Variants in CHRM3 observed in about 807,000 individuals in gnomAD.
The protein encoded by CHRM3 is cholinergic receptor muscarinic 3.
Under a neutral mutation model 41.8 loss-of-function variants are expected in CHRM3, and 11 were observed. The observed-to-expected ratio is 0.26, with a 90% CI of 0.17 to 0.44. CHRM3 has a LOEUF of 0.44. Ranked by LOEUF, CHRM3 falls within the 20% of genes least tolerant of loss-of-function variation. CHRM3 has a pLI of 1.00. For synonymous variants in CHRM3, 297 were observed against 301.4 expected (o/e 0.99, Z 0.15); for missense variants, 571 against 745.4 (o/e 0.77, Z 2.72).
At chr1:239,473,869 C>CAA (rs34470819) in intron 1 of CHRM3, among the ~76,000 whole-genome samples, 4,528 of 142,908 alleles carry the variant, frequency 0.032, 168 homozygotes, top group African/African-American at 0.09. Flanking sequence ...TAGTAAATTT[C>CAA]AAAAAAAAAA....
chr1:239,489,681 A>G (rs1214454009), intron 1 of CHRM3, among the ~76,000 whole-genome samples: 3 of 152,166 alleles, frequency 2.0e-5, no homozygotes, highest in African/African-American at 7.2e-5. Context: ...TATCTTGGGG[A>G]CATATATGGC....
chr1:239,799,822 C>T (rs189662774), intron 5 of CHRM3, among the ~76,000 whole-genome samples: 3 of 152,252 alleles, frequency 2.0e-5, no homozygotes, highest in East Asian at 3.9e-4. Flanking sequence ...ATTCCCTTGC[C>T]GCTCTCAATG....
intron 6 of CHRM3, among the ~76,000 whole-genome samples, chr1:239,872,376 C>T (rs1676664029): frequency 6.6e-6 from 1 of 152,156 alleles, no homozygotes; most frequent in Non-Finnish European, 1.5e-5. Context: ...CCAATCGTAG[C>T]AGCAATTATA....
chr1:239,779,275 C>A (rs1206003303), intron 5 of CHRM3, among the ~76,000 whole-genome samples: 3 of 152,188 alleles, frequency 2.0e-5, no homozygotes, highest in Non-Finnish European at 4.4e-5. Context: ...GCATCCCCCA[C>A]CAGGGTGTGT....
At chr1:239,413,440 C>T (rs1310770019) in intron 1 of CHRM3, among the ~76,000 whole-genome samples, 1 of 152,112 alleles carries the variant, frequency 6.6e-6, no homozygotes, top group Non-Finnish European at 1.5e-5. Flanking sequence ...CAGGCACCCG[C>T]CATTCCACCC....
At chr1:239,696,289 A>G (rs557612480) in intron 5 of CHRM3, among the ~76,000 whole-genome samples, 6 of 152,304 alleles carry the variant, frequency 3.9e-5, no homozygotes, top group South Asian at 2.1e-4. Context: ...AAAAAGTGCT[A>G]TCTTTTGTAA....
At chr1:239,607,789 C>CT (rs904604575) in intron 3 of CHRM3, among the ~76,000 whole-genome samples, 2 of 151,994 alleles carry the variant, frequency 1.3e-5, no homozygotes, top group African/African-American at 4.8e-5. Context: ...TATTTGAAGT[C>CT]TTTTTTTAAT....
At position 239,680,175 on chromosome 1, in the gene CHRM3, T is replaced by G. The variant is rs1008789069; in HGVS notation, c.-147+1887T>G. Among the ~76,000 whole-genome samples, 2 of 152,254 alleles carry G rather than the reference T, an allele frequency of 1.3e-5. 1 individual carries two copies. The highest frequency in any genetic ancestry group is 4.8e-5 in the African/African-American group (2 of 41,558). ...TTATTTCTATTCTTGTCCTGTTCAATCCGTGCTTCATCCAATAGCCAGAGT... is the reference window on the plus strand; with the variant it reads ...TTATTTCTATTCTTGTCCTGTTCAAGCCGTGCTTCATCCAATAGCCAGAGT... On this transcript the variant is annotated intron_variant, in intron 5 of 6. Coordinates refer to ENST00000676153, the MANE Select transcript of CHRM3 (RefSeq NM_001375978.1).
chr1:239,741,330 G>T (rs553438938), intron 5 of CHRM3, among the ~76,000 whole-genome samples: 1 of 152,308 alleles, frequency 6.6e-6, no homozygotes, highest in East Asian at 1.9e-4. Flanking sequence ...ATTCTTCTCT[G>T]TGTCCCTGTG....
rs138401901 is a variant in CHRM3 at position 239,780,125 on chromosome 1, A to C, written c.-146-47127A>C. 3.9e-5 allele frequency among the ~76,000 whole-genome samples: 6 copies of C among 152,332 alleles called. No individual in the cohort carries two copies. In the East Asian group the frequency reaches 1.2e-3, roughly 29 times the overall value. ...GGCTTTTGTGTGGACATAAGTTTTCAGCTCCTTTGAATAAATACCAAGTAA... is the reference window on the plus strand; with the variant it reads ...GGCTTTTGTGTGGACATAAGTTTTCCGCTCCTTTGAATAAATACCAAGTAA... On this transcript the variant is annotated intron_variant, in intron 5 of 6. Coordinates refer to ENST00000676153, the MANE Select transcript of CHRM3 (RefSeq NM_001375978.1).
chr1:239,758,129 C>G (rs568331696), intron 5 of CHRM3, among the ~76,000 whole-genome samples: 4 of 152,228 alleles, frequency 2.6e-5, no homozygotes, highest in Non-Finnish European at 5.9e-5. Context: ...CTAAAACTGC[C>G]CATTGAGGCT....
At chr1:239,605,862 A>T (rs925054793) in intron 3 of CHRM3, 3 of 152,222 alleles carry the variant, frequency 2.0e-5, no homozygotes, top group Admixed American at 1.3e-4. Flanking sequence ...TATGCATATC[A>T]ATGGTAATAA....
At chr1:239,820,048 AT>A (rs1671908969) in intron 5 of CHRM3, among the ~76,000 whole-genome samples, 1 of 152,190 alleles carries the variant, frequency 6.6e-6, no homozygotes, top group Admixed American at 6.5e-5. Flanking sequence ...CTCCAGGGTA[AT>A]TCACACAACC....
chr1:239,553,913 G>A (rs1044204845), intron 3 of CHRM3, among the ~76,000 whole-genome samples: 1 of 152,132 alleles, frequency 6.6e-6, no homozygotes, highest in Admixed American at 6.6e-5. Context: ...TTTTGAAGCA[G>A]AGTCTCACTC....
chr1:239,467,555 C>T (rs1345185647), intron 1 of CHRM3, among the ~76,000 whole-genome samples: 2 of 152,208 alleles, frequency 1.3e-5, no homozygotes, highest in East Asian at 3.9e-4. Context: ...CTGCCTCGGC[C>T]TCCCAAAGTG....
chr1:239,798,701 T>C (rs994210370), intron 5 of CHRM3, among the ~76,000 whole-genome samples: 2 of 152,150 alleles, frequency 1.3e-5, no homozygotes, highest in African/African-American at 4.8e-5. Flanking sequence ...TTTGTGACTC[T>C]TCACTGACAC....
intron 6 of CHRM3, among the ~76,000 whole-genome samples, chr1:239,868,730 TC>T (rs1676328185): frequency 6.6e-6 from 1 of 152,130 alleles, no homozygotes; most frequent in Admixed American, 6.5e-5. Context: ...AGGACCCTGA[TC>T]CTTCAGTCCA....
intron 4 of CHRM3, among the ~76,000 whole-genome samples, chr1:239,659,979 G>C (rs1673041318): frequency 6.6e-6 from 1 of 152,114 alleles, no homozygotes; most frequent in African/African-American, 2.4e-5. Context: ...TTACTTATTA[G>C]AGACAGGGTC....
chr1:239,555,497 A>G (rs1010027136), intron 3 of CHRM3, among the ~76,000 whole-genome samples: 1 of 152,168 alleles, frequency 6.6e-6, no homozygotes, highest in Non-Finnish European at 1.5e-5. Context: ...ACTTGCTAAA[A>G]CAGGAATGGG....
Sources: allele counts gnomAD v4.1 joint callset (sites outside exome capture counted in the v4.1 genomes callset), GRCh38; gene constraint gnomAD v4.1.1; transcripts MANE v1.5; gene names NCBI Gene and HGNC (gene_info 2026-07-23, HGNC 2026-07-21).